EGFLAM: variants seen among roughly 807,000 people sequenced by gnomAD.
EGFLAM encodes EGF like, fibronectin type III and laminin G domains.
Under a neutral mutation model 113.1 loss-of-function variants are expected in EGFLAM, and 79 were observed. The observed-to-expected ratio is 0.70, with a 90% CI of 0.58 to 0.84. EGFLAM has a LOEUF of 0.84. Among genes scored for constraint, EGFLAM ranks in the 40% least tolerant of loss-of-function variants. The pLI, the probability that EGFLAM is intolerant of heterozygous loss-of-function variation, is 0.00. For synonymous variants in EGFLAM, 504 were observed against 487.6 expected (o/e 1.03, Z -0.44); for missense variants, 1,265 against 1,291.6 (o/e 0.98, Z 0.32).
At chr5:38,306,054 A>G (rs1758710312) in intron 1 of EGFLAM, among the ~76,000 whole-genome samples, 1 of 152,194 alleles carries the variant, frequency 6.6e-6, no homozygotes, top group Non-Finnish European at 1.5e-5. Flanking sequence ...GACCATGGTT[A>G]TGATAATTGG....
intron 6 of EGFLAM, among the ~76,000 whole-genome samples, chr5:38,383,256 T>A (rs1446787686): frequency 6.6e-6 from 1 of 152,212 alleles, no homozygotes; most frequent in African/African-American, 2.4e-5. Context: ...TTTATAACAT[T>A]TTATTTACAA....
In EGFLAM at chr5:38,395,443, G is replaced by T. The variant is rs186426157; in HGVS notation, c.713-10683G>T. Reference sequence around the variant, plus strand: ...AAAATTTTTTTTTCTGAGAGACAGGGTCTTACCATCTTGCCCAGGCTAGAT... The same window carrying T: ...AAAATTTTTTTTTCTGAGAGACAGGTTCTTACCATCTTGCCCAGGCTAGAT... On this transcript the variant is annotated intron_variant, in intron 6 of 21. Coordinates refer to ENST00000322350, the MANE Select transcript of EGFLAM (RefSeq NM_152403.4). Among the ~76,000 whole-genome samples the T allele has an allele frequency of 3.5e-3, 535 of 151,944 alleles. 2 individuals are homozygous for T. Among genetic ancestry groups the T allele is most frequent in the African/African-American group, 0.012 (511 of 41,414 alleles).
At chr5:38,434,277 A>C (rs1742275888) in intron 15 of EGFLAM, among the ~76,000 whole-genome samples, 1 of 151,638 alleles carries the variant, frequency 6.6e-6, no homozygotes, top group South Asian at 2.1e-4. Context: ...AGGATATGAG[A>C]CTCCCGTGTC....
At chr5:38,338,911 T>C in intron 3 of EGFLAM, 130 bp downstream of exon 3, 1 of 769,876 alleles carries the variant, frequency 1.3e-6, no homozygotes, top group Non-Finnish European at 2.1e-6. Context: ...CTTTAGGATT[T>C]CCAAATGTCA....
At chr5:38,403,921 T>C in intron 6 of EGFLAM, 1 of 1,613,622 alleles carries the variant, frequency 6.2e-7, no homozygotes, top group Non-Finnish European at 8.5e-7. Flanking sequence ...AGGTTGAATT[T>C]TCAGTTGACA....
intron 1 of EGFLAM, among the ~76,000 whole-genome samples, chr5:38,324,034 C>T (rs1738808547): frequency 8.1e-6 from 1 of 124,022 alleles, no homozygotes; most frequent in African/African-American, 3.4e-5. Context: ...AATGAAACTC[C>T]ATCTCAAACA....
At chr5:38,453,120 C>G (rs927481236) in intron 19 of EGFLAM, among the ~76,000 whole-genome samples, 1 of 152,180 alleles carries the variant, frequency 6.6e-6, no homozygotes, top group African/African-American at 2.4e-5. Context: ...CCAACCTGAT[C>G]TACTGAACCA....
rs185568999 is a variant in EGFLAM at position 38,331,191 on chromosome 5, C to T, written c.98-6329C>T. Among the ~76,000 whole-genome samples the T allele has an allele frequency of 2.0e-4, 31 of 152,252 alleles. No individual in the cohort carries two copies. The East Asian group carries it at 4.0e-3, about 20-fold the overall frequency. On this transcript the variant is annotated intron_variant, in intron 1 of 21. Transcript: ENST00000322350. ...GTCCCCATGCATGCATAGACTCCCCCGTCATCAGCATCCCCTATCAGAGTG... is the reference window on the plus strand; with the variant it reads ...GTCCCCATGCATGCATAGACTCCCCTGTCATCAGCATCCCCTATCAGAGTG...
At chr5:38,393,375 A>G (rs1319489587) in intron 6 of EGFLAM, among the ~76,000 whole-genome samples, 1 of 152,194 alleles carries the variant, frequency 6.6e-6, no homozygotes, top group Admixed American at 6.5e-5. Flanking sequence ...TAATAACACA[A>G]TAGTGATGAG....
intron 1 of EGFLAM, among the ~76,000 whole-genome samples, chr5:38,301,153 T>A (rs1430438422): frequency 6.6e-6 from 1 of 152,028 alleles, no homozygotes; most frequent in African/African-American, 2.4e-5. Context: ...GAAAGCCAAG[T>A]GTGTTGAGGT....
intron 1 of EGFLAM, among the ~76,000 whole-genome samples, chr5:38,316,651 T>A (rs1012831755): frequency 6.6e-6 from 1 of 152,172 alleles, no homozygotes; most frequent in Non-Finnish European, 1.5e-5. Flanking sequence ...TCTTCCATAC[T>A]ATGGGCTCAA....
At chr5:38,462,666 T>A (rs1743326440) in intron 20 of EGFLAM, 2 of 440,374 alleles carry the variant, frequency 4.5e-6, no homozygotes, top group Admixed American at 3.5e-5. Context: ...CTTGTGGTCT[T>A]CGCCGTGGAG....
rs1373723762 is a variant in EGFLAM at position 38,418,075 on chromosome 5, A to G, written c.1504A>G (p.Ser502Gly). The G allele has an allele frequency of 6.2e-7, 1 of 1,613,718 alleles. No individual in the cohort carries two copies. The highest frequency in any genetic ancestry group is 1.7e-5 in the Admixed American group (1 of 59,978). ...PVTGQSQGQY[S>G]KITFRTPLYL... The stretch of plus-strand genomic sequence containing the variant: ...GTCATCTTTCTTAAAGGGCCAATAC[A>G]GTAAAATTACTTTCCGGACACCTCT... The change falls in exon 12 of 22, where the codon AGT becomes GGT. Residue 502 changes from serine (S) to glycine (G), a missense_variant. Physicochemically the swap from Ser to Gly is moderately conservative, Grantham distance 56 (BLOSUM62 0). Transcript: ENST00000322350.
chr5:38,281,563 G>A (rs2111754612), intron 1 of EGFLAM, among the ~76,000 whole-genome samples: 1 of 152,228 alleles, frequency 6.6e-6, no homozygotes, highest in South Asian at 2.1e-4. Context: ...GTCATATTAT[G>A]TTTTCTCAGT....
Position 38,447,756 on chromosome 5 carries a change from C to CAA in EGFLAM, c.2465-527_2465-526dup, listed in dbSNP as rs540815959. On this transcript the variant is annotated intron_variant, in intron 17 of 21. Coordinates refer to ENST00000322350, the MANE Select transcript of EGFLAM (RefSeq NM_152403.4). Reference sequence around the variant, plus strand: ...GGGCAACCAGAGCGAAACTTTGTTTCAAAAAAAAAAAAAAAAAAAGATCTT... The same window carrying CAA: ...GGGCAACCAGAGCGAAACTTTGTTTCAAAAAAAAAAAAAAAAAAAAAGATCTT... Among the ~76,000 whole-genome samples the CAA allele has an allele frequency of 7.7e-3, 532 of 69,424 alleles. 6 individuals carry two copies. Among genetic ancestry groups the CAA allele is most frequent in the African/African-American group, 0.021 (481 of 23,122 alleles). 45.5% of individuals were successfully genotyped at this position (69,424 alleles called of 152,430 possible). A position where few individuals can be genotyped will look rare whatever the true frequency, so the allele number is the denominator to read the frequency against.
intron 17 of EGFLAM, among the ~76,000 whole-genome samples, chr5:38,442,646 A>G (rs1483421508): frequency 2.0e-5 from 3 of 152,172 alleles, no homozygotes; most frequent in Admixed American, 1.3e-4. Context: ...TCCTTCAGCT[A>G]ATGACCATGT....
Position 38,385,516 on chromosome 5 carries a change from A to G in EGFLAM, c.712+15054A>G, listed in dbSNP as rs184719701. On this transcript the variant is annotated intron_variant, in intron 6 of 21. Coordinates refer to ENST00000322350, the MANE Select transcript of EGFLAM (RefSeq NM_152403.4). The stretch of plus-strand genomic sequence containing the variant: ...AAAATAAAGCCTGTACATGTTTAGT[A>G]TAGACATAACCATCCATATTTTTTT... Among the ~76,000 whole-genome samples, 732 of 152,290 alleles carry G rather than the reference A, an allele frequency of 4.8e-3. 3 individuals are homozygous for G. Among genetic ancestry groups the G allele is most frequent in the Non-Finnish European group, 8.1e-3 (549 of 68,022 alleles).
At chr5:38,318,575 C>G (rs1738660556) in intron 1 of EGFLAM, among the ~76,000 whole-genome samples, 1 of 151,944 alleles carries the variant, frequency 6.6e-6, no homozygotes, top group African/African-American at 2.4e-5. Context: ...TACAGTGGCT[C>G]ATGCCTGTAA....
intron 1 of EGFLAM, among the ~76,000 whole-genome samples, chr5:38,268,848 A>G (rs548337895): frequency 6.6e-6 from 1 of 152,296 alleles, no homozygotes; most frequent in Non-Finnish European, 1.5e-5. Context: ...ATATGTTACT[A>G]TATATATTTC....
Sources: gnomAD v4.1 joint callset for allele counts (sites outside exome capture counted in the v4.1 genomes callset) on GRCh38, gnomAD v4.1.1 for gene constraint, MANE v1.5 for transcripts, NCBI Gene and HGNC (gene_info 2026-07-23, HGNC 2026-07-21) for gene names.